Variants in NXPE1 observed in about 807,000 individuals in gnomAD.
NXPE1 encodes NXPE family member 1.
In NXPE1, 31 loss-of-function variants were observed where a neutral mutation model predicts 33.3. That is an observed-to-expected ratio of 0.93 (90% CI 0.70 to 1.26). The LOEUF is 1.26. Ranked by LOEUF, NXPE1 falls within the 50% of genes most tolerant of loss-of-function variation. NXPE1 has a pLI of 0.00. For synonymous variants in NXPE1, 229 were observed against 231.4 expected (o/e 0.99, Z 0.09); for missense variants, 661 against 655.6 (o/e 1.01, Z -0.09).
intron 5 of NXPE1, among the ~76,000 whole-genome samples, chr11:114,538,010 G>T (rs551145697): frequency 0.015 from 2,330 of 152,174 alleles, 28 homozygotes; most frequent in Non-Finnish European, 0.024. Context: ...GAGGCATCCC[G>T]CTACCTGACT....
intron 3 of NXPE1, 37 bp downstream of exon 3, chr11:114,551,937 G>T (rs1295260863): frequency 1.3e-5 from 2 of 152,108 alleles, no homozygotes; most frequent in East Asian, 3.8e-4. Flanking sequence ...CTTATTTTAG[G>T]AAACAAAATG....
At chr11:114,527,491 G>A (rs1947405859) in intron 7 of NXPE1, among the ~76,000 whole-genome samples, 1 of 152,140 alleles carries the variant, frequency 6.6e-6, no homozygotes, top group African/African-American at 2.4e-5. Context: ...AGGGGGTTAT[G>A]CCAACAGAGA....
chr11:114,531,911 G>A (rs935854325), intron 5 of NXPE1, among the ~76,000 whole-genome samples: 2 of 152,198 alleles, frequency 1.3e-5, no homozygotes, highest in East Asian at 1.9e-4. Flanking sequence ...CAGAAACACC[G>A]GCCAAGCTTT....
intron 1 of NXPE1, chr11:114,553,854 G>A: frequency 6.3e-6 from 6 of 957,318 alleles, no homozygotes; most frequent in Non-Finnish European, 7.5e-6. Flanking sequence ...CATCATCTTG[G>A]TAGCTTGAAA....
downstream of NXPE1, among the ~76,000 whole-genome samples, chr11:114,519,081 A>AGAC (rs1256964967): frequency 7.2e-5 from 11 of 152,328 alleles, no homozygotes; most frequent in Admixed American, 3.9e-4. Context: ...GTCTAGGCAT[A>AGAC]ATGTGACCAA....
intron 5 of NXPE1, among the ~76,000 whole-genome samples, chr11:114,533,589 A>G (rs1947670511): frequency 6.6e-6 from 1 of 152,222 alleles, no homozygotes; most frequent in Non-Finnish European, 1.5e-5. Flanking sequence ...TCCCACCCTA[A>G]TACTGCGCTT....
In NXPE1 at chr11:114,540,885, T is replaced by TG. The variant is rs71465294; in HGVS notation, c.100-9978dup. On this transcript the variant is annotated intron_variant, in intron 5 of 8. Coordinates refer to ENST00000534921, the Ensembl canonical transcript of NXPE1. ...TTTTTTTTTTTTTTTTTTTTTTTTT[T>TG]GGCTTGAACAACCTGAGAGCAGAGT... Among the ~76,000 whole-genome samples, 20 of 81,290 alleles carry TG rather than the reference T, an allele frequency of 2.5e-4. 4 individuals carry two copies. The highest frequency in any genetic ancestry group is 4.7e-4 in the Non-Finnish European group (19 of 40,698). The allele number at this position is 81,290 out of a possible 152,430, so 53.3% of individuals were successfully genotyped here.
chr11:114,551,287 T>G, intron 4 of NXPE1, 76 bp from the exon 5 acceptor site: 1 of 1,323,602 alleles, frequency 7.6e-7, no homozygotes, highest in African/African-American at 1.5e-5. Context: ...ATTTATAACT[T>G]GTAATTTGCC....
intron 5 of NXPE1, among the ~76,000 whole-genome samples, chr11:114,541,505 C>G (rs191605866): frequency 1.3e-5 from 2 of 152,166 alleles, no homozygotes; most frequent in Non-Finnish European, 2.9e-5. Flanking sequence ...CAAATATGAG[C>G]GACCACGACA....
chr11:114,557,647 A>G (rs1671818), intron 1 of NXPE1, among the ~76,000 whole-genome samples: 9 of 41,748 alleles, frequency 2.2e-4, no homozygotes, highest in East Asian at 2.1e-3. Context: ...ATATATATAT[A>G]TATATATATA....
At chr11:114,536,575 C>T (rs538879344) in intron 5 of NXPE1, among the ~76,000 whole-genome samples, 146 of 152,072 alleles carry the variant, frequency 9.6e-4, no homozygotes, top group African/African-American at 3.2e-3. Flanking sequence ...ATCAAATAGA[C>T]GCCATAAAAA....
At chr11:114,530,880 G>A in exon 6 of NXPE1, 1 of 1,612,738 alleles carries the variant, frequency 6.2e-7, no homozygotes, top group Non-Finnish European at 8.5e-7. Context: ...GTAATGGACA[G>A]AGATGGATAA....
chr11:114,537,740 C>G (rs1947892985), intron 5 of NXPE1, among the ~76,000 whole-genome samples: 1 of 151,882 alleles, frequency 6.6e-6, no homozygotes, highest in East Asian at 1.9e-4. Flanking sequence ...TGAAGGACCT[C>G]TTCAAGGAGA....
At chr11:114,543,084 T>A (rs2135061642) in intron 5 of NXPE1, among the ~76,000 whole-genome samples, 1 of 151,968 alleles carries the variant, frequency 6.6e-6, no homozygotes, top group South Asian at 2.1e-4. Flanking sequence ...GGCAAGACTG[T>A]CTCTACAAAA....
intron 5 of NXPE1, among the ~76,000 whole-genome samples, chr11:114,545,230 T>C (rs1378934161): frequency 3.9e-5 from 6 of 152,190 alleles, no homozygotes; most frequent in Admixed American, 2.0e-4. Flanking sequence ...TCCAGTTGAT[T>C]TGAATGCTTA....
At chr11:114,543,660 C>G (rs1948178208) in intron 5 of NXPE1, among the ~76,000 whole-genome samples, 1 of 152,020 alleles carries the variant, frequency 6.6e-6, no homozygotes, top group South Asian at 2.1e-4. Flanking sequence ...TAAACACTTC[C>G]CCAATATTGG....
chr11:114,537,478 A>T (rs967424928), intron 5 of NXPE1, among the ~76,000 whole-genome samples: 1 of 152,206 alleles, frequency 6.6e-6, no homozygotes, highest in Non-Finnish European at 1.5e-5. Context: ...TTAGGAAAAG[A>T]GGAAGTCAGA....
In NXPE1 at chr11:114,532,219, A is replaced by G. The variant is rs146152788; in HGVS notation, c.100-1311T>C. On this transcript the variant is annotated intron_variant, in intron 5 of 8. Transcript: ENST00000534921. ...GAGAGGAGAAACAAGACAATGAGAT[A>G]TCATTTAAAAAAGATGAACAGAACC... is the stretch of plus-strand genomic sequence containing the variant. 3.1e-4 allele frequency among the ~76,000 whole-genome samples: 47 copies of G among 152,360 alleles called. 1 individual carries two copies. The highest frequency in any genetic ancestry group is 8.7e-4 in the African/African-American group (36 of 41,582).
In NXPE1 at chr11:114,523,312, C is replaced by A. The variant is rs150021544; in HGVS notation, c.896-221G>T. Among the ~76,000 whole-genome samples, 1,029 of 152,168 alleles carry A rather than the reference C, an allele frequency of 6.8e-3. 14 individuals carry two copies. Among genetic ancestry groups the A allele is most frequent in the African/African-American group, 0.022 (903 of 41,492 alleles). On this transcript the variant is annotated intron_variant, in intron 7 of 8. Coordinates refer to ENST00000534921, the Ensembl canonical transcript of NXPE1. ...AGTCATCTTGCCTTCTGTCTAATTC[C>A]TTTCCTCCTAAATTTGGTCATGAGC...
Sources: allele counts gnomAD v4.1 joint callset (sites outside exome capture counted in the v4.1 genomes callset), GRCh38; gene constraint gnomAD v4.1.1; transcripts MANE v1.5; gene names NCBI Gene and HGNC (gene_info 2026-07-23, HGNC 2026-07-21).